SOX5: variants seen among roughly 807,000 people sequenced by gnomAD.
The protein encoded by SOX5 is transcription factor SOX-5.
A neutral mutation model predicts 92.0 loss-of-function variants in SOX5; 9 were observed. The observed-to-expected ratio is 0.10, with a 90% CI of 0.06 to 0.17. The LOEUF (loss-of-function observed/expected upper bound fraction) is 0.17, where lower values mean the gene tolerates loss of function less well. Among genes scored for constraint, SOX5 ranks in the 10% least tolerant of loss-of-function variants. The pLI is 1.00. For synonymous variants in SOX5, 344 were observed against 336.3 expected (o/e 1.02, Z -0.25); for missense variants, 642 against 944.5 (o/e 0.68, Z 4.20).
intron 4 of SOX5, among the ~76,000 whole-genome samples, chr12:24,143,817 A>G (rs1950810058): frequency 6.6e-6 from 1 of 151,740 alleles, no homozygotes; most frequent in African/African-American, 2.4e-5. Flanking sequence ...AGAAGAAAAG[A>G]AGAAGAAAGA....
At chr12:24,525,999 T>C (rs1464026196) in intron 1 of SOX5, among the ~76,000 whole-genome samples, 1 of 151,906 alleles carries the variant, frequency 6.6e-6, no homozygotes. Context: ...GCCTCCAAAG[T>C]AGCTGGGACC....
chr12:23,952,846 A>T (rs540137984), upstream of SOX5, among the ~76,000 whole-genome samples: 1 of 152,254 alleles, frequency 6.6e-6, no homozygotes, highest in African/African-American at 2.4e-5. Context: ...GGCAAACAGA[A>T]TTTAAAGTCA....
At chr12:24,270,059 G>A (rs1943521900) in intron 3 of SOX5, among the ~76,000 whole-genome samples, 1 of 149,236 alleles carries the variant, frequency 6.7e-6, no homozygotes, top group Middle Eastern at 3.5e-3. Context: ...TTCTAATGTG[G>A]GAAACTCTTT....
intron 8 of SOX5, among the ~76,000 whole-genome samples, chr12:23,629,755 A>G (rs1174280324): frequency 6.6e-6 from 1 of 151,856 alleles, no homozygotes. Context: ...TATTTCATTC[A>G]TTCTCTTTCA....
At chr12:23,828,887 T>C (rs1331445976) in intron 3 of SOX5, among the ~76,000 whole-genome samples, 1 of 152,172 alleles carries the variant, frequency 6.6e-6, no homozygotes, top group Admixed American at 6.6e-5. Context: ...AGATGGGCTA[T>C]CTTAATCATC....
chr12:24,045,614 T>A lies in SOX5; in HGVS notation c.-1-149590A>T, dbSNP rs560647553. Among the ~76,000 whole-genome samples, 43 of 152,266 alleles carry A rather than the reference T, an allele frequency of 2.8e-4. No homozygotes were observed. In the South Asian group the frequency reaches 4.6e-3, roughly 16 times the overall value. On this transcript the variant is annotated intron_variant, in intron 4 of 4. Transcript: ENST00000446891. ...CTTGCCGGCCAGAAGACAACCTTCT[T>A]AAAGACAGGGCCAATGAGAAACTGC...
intron 1 of SOX5, among the ~76,000 whole-genome samples, chr12:24,475,186 G>A (rs377572461): frequency 6.6e-6 from 1 of 151,990 alleles, no homozygotes; most frequent in Non-Finnish European, 1.5e-5. Flanking sequence ...GTTTTGCTCT[G>A]TGTCTACTCT....
chr12:24,491,024 A>G (rs1947011695), intron 1 of SOX5, among the ~76,000 whole-genome samples: 3 of 150,912 alleles, frequency 2.0e-5, no homozygotes, highest in Non-Finnish European at 2.9e-5. Context: ...AAGATAGACA[A>G]ACCAACCAAC....
At chr12:23,761,854 G>A (rs992405038) in intron 3 of SOX5, among the ~76,000 whole-genome samples, 3 of 151,988 alleles carry the variant, frequency 2.0e-5, no homozygotes, top group Admixed American at 1.3e-4. Context: ...TTCTACTCTT[G>A]GAAGCTTTCA....
At chr12:24,485,693 A>T (rs1946448605) in intron 1 of SOX5, among the ~76,000 whole-genome samples, 1 of 152,136 alleles carries the variant, frequency 6.6e-6, no homozygotes. Flanking sequence ...TATTACTATT[A>T]TGTACTTTTC....
intron 2 of SOX5, among the ~76,000 whole-genome samples, chr12:24,317,582 G>A (rs1949814828): frequency 1.3e-5 from 2 of 152,088 alleles, no homozygotes; most frequent in African/African-American, 4.8e-5. Flanking sequence ...CACTGTTGCT[G>A]GGACTTCACC....
rs998660182 is a variant in SOX5, at chr12:23,940,759, C to A, written c.38+8805G>T. Among the ~76,000 whole-genome samples the A allele has an allele frequency of 3.3e-5, 5 of 150,470 alleles. No individual in the cohort carries two copies. In the South Asian group the frequency reaches 1.0e-3, roughly 32 times the overall value. On this transcript the variant is annotated intron_variant, in intron 1 of 14. Coordinates refer to ENST00000451604, the MANE Select transcript of SOX5 (RefSeq NM_006940.6). ...GAGATAAGTATTACACACACACACACACACACACACACACACACACACACA... is the reference window on the plus strand; with the variant it reads ...GAGATAAGTATTACACACACACACAAACACACACACACACACACACACACA...
At chr12:24,245,053 T>C (rs1302446938) in intron 3 of SOX5, among the ~76,000 whole-genome samples, 3 of 152,154 alleles carry the variant, frequency 2.0e-5, no homozygotes, top group Non-Finnish European at 4.4e-5. Flanking sequence ...TCCCTAAACA[T>C]CCTGATTAGG....
At chr12:23,606,591 C>A (rs2075288058) in intron 8 of SOX5, among the ~76,000 whole-genome samples, 1 of 151,628 alleles carries the variant, frequency 6.6e-6, no homozygotes, top group Non-Finnish European at 1.5e-5. Flanking sequence ...AACCAAGTAG[C>A]CATTAAATGT....
intron 1 of SOX5, among the ~76,000 whole-genome samples, chr12:24,439,123 C>T (rs117056175): frequency 0.017 from 2,655 of 152,312 alleles, 35 homozygotes; most frequent in Middle Eastern, 0.034. Flanking sequence ...AACACTGAGG[C>T]AAGACCCTCC....
At chr12:23,551,709 T>G (rs966622674) in intron 11 of SOX5, among the ~76,000 whole-genome samples, 1 of 151,866 alleles carries the variant, frequency 6.6e-6, no homozygotes, top group South Asian at 2.1e-4. Context: ...TAGTGAGATA[T>G]GAACTCAGGG....
intron 4 of SOX5, among the ~76,000 whole-genome samples, chr12:24,013,425 G>T (rs1953195794): frequency 6.6e-6 from 1 of 152,144 alleles, no homozygotes; most frequent in African/African-American, 2.4e-5. Flanking sequence ...GATAAGAAGA[G>T]ACCATTTCAT....
intron 1 of SOX5, among the ~76,000 whole-genome samples, chr12:24,470,011 T>C (rs117492858): frequency 0.011 from 1,719 of 152,302 alleles, 15 homozygotes; most frequent in Middle Eastern, 0.02. Flanking sequence ...AATGTATATA[T>C]ATTATAAACT....
At chr12:24,440,031 C>G (rs909164125) in intron 1 of SOX5, among the ~76,000 whole-genome samples, 1 of 152,150 alleles carries the variant, frequency 6.6e-6, no homozygotes, top group African/African-American at 2.4e-5. Flanking sequence ...TGGTTGGTGG[C>G]AATTTAAAAT....
Sources: gnomAD v4.1 joint callset for allele counts (sites outside exome capture counted in the v4.1 genomes callset) on GRCh38, gnomAD v4.1.1 for gene constraint, MANE v1.5 for transcripts, NCBI Gene and HGNC (gene_info 2026-07-23, HGNC 2026-07-21) for gene names.